CDH2: variants seen among roughly 807,000 people sequenced by gnomAD.
CDH2 encodes the protein cadherin-2.
CDH2 carries 17 observed loss-of-function variants against 92.0 expected under a neutral mutation model. That is an observed-to-expected ratio of 0.18 (90% CI 0.13 to 0.28). The LOEUF (loss-of-function observed/expected upper bound fraction) is 0.28. Among genes scored for constraint, CDH2 ranks in the 10% least tolerant of loss-of-function variants. The pLI, the probability that CDH2 is intolerant of heterozygous loss-of-function variation, is 1.00. For missense variants in CDH2, 862 were observed against 1,133.1 expected (o/e 0.76, Z 3.44); for synonymous variants, 419 against 415.9 (o/e 1.01, Z -0.09).
intron 2 of CDH2, among the ~76,000 whole-genome samples, chr18:28,062,565 T>C (rs1443783070): frequency 6.6e-6 from 1 of 152,206 alleles, no homozygotes; most frequent in Non-Finnish European, 1.5e-5. Context: ...ACTGAGTTCA[T>C]GATGCAAATA....
chr18:28,152,611 G>C (rs1206535940), intron 1 of CDH2, among the ~76,000 whole-genome samples: 1 of 152,200 alleles, frequency 6.6e-6, no homozygotes, highest in Non-Finnish European at 1.5e-5. Context: ...CGGAGTCCAA[G>C]AAGCAAGGCA....
At chr18:28,084,226 T>A (rs867950576) in intron 2 of CDH2, among the ~76,000 whole-genome samples, 3 of 152,160 alleles carry the variant, frequency 2.0e-5, no homozygotes, top group African/African-American at 7.2e-5. Context: ...GCCTGAGAAC[T>A]CGCAAGCAAT....
intron 14 of CDH2, among the ~76,000 whole-genome samples, chr18:27,973,656 A>G (rs1289742857): frequency 6.6e-6 from 1 of 152,192 alleles, no homozygotes; most frequent in African/African-American, 2.4e-5. Context: ...TCTAAATTCA[A>G]GTACCTAACC....
At chr18:27,992,409 A>C (rs2012444760) in intron 9 of CDH2, among the ~76,000 whole-genome samples, 3 of 152,000 alleles carry the variant, frequency 2.0e-5, no homozygotes, top group Non-Finnish European at 4.4e-5. Flanking sequence ...CTCTCACAAA[A>C]CTCTCATCAT....
At position 27,952,135 on chromosome 18, in the gene CDH2, C is replaced by T; in HGVS notation, c.*18G>A. On this transcript the variant is annotated 3_prime_UTR_variant, in exon 16 of 16. Transcript: ENST00000269141. Reference sequence around the variant, plus strand: ...GAAATTGTTTGTACTTGTCCAAAAACCAAGTTCACCCTGAAGTTCAGTCAT... The same window carrying T: ...GAAATTGTTTGTACTTGTCCAAAAATCAAGTTCACCCTGAAGTTCAGTCAT... 6.2e-7 allele frequency: 1 copy of T among 1,605,364 alleles called. No homozygotes were observed. Among genetic ancestry groups the T allele is most frequent in the Non-Finnish European group, 8.5e-7 (1 of 1,172,474 alleles).
chr18:28,171,685 G>A (rs931162317), intron 1 of CDH2, among the ~76,000 whole-genome samples: 1 of 152,062 alleles, frequency 6.6e-6, no homozygotes, highest in African/African-American at 2.4e-5. Context: ...GCTGAAAAAA[G>A]CCTTTCCACA....
At chr18:27,942,066 A>C (rs1368524367) in intron 6 of CDH2, among the ~76,000 whole-genome samples, 1 of 152,208 alleles carries the variant, frequency 6.6e-6, no homozygotes, top group African/African-American at 2.4e-5. Flanking sequence ...AAAAGTTCAA[A>C]ACCTGGAATG....
At chr18:28,098,355 CA>C (rs34688093) in intron 2 of CDH2, among the ~76,000 whole-genome samples, 122,766 of 151,990 alleles carry the variant, frequency 0.81, 49,796 homozygotes, top group Admixed American at 0.83. Context: ...ATAAAGTTGC[CA>C]AAAAACACTG....
chr18:28,117,160 T>C (rs1040592247), intron 2 of CDH2, among the ~76,000 whole-genome samples: 2 of 152,084 alleles, frequency 1.3e-5, no homozygotes, highest in Non-Finnish European at 2.9e-5. Flanking sequence ...GGGGATGCCA[T>C]GGCACACAAA....
At chr18:28,043,497 TATATATATATATATATATAA>T (rs2014003029) in intron 2 of CDH2, among the ~76,000 whole-genome samples, 2 of 79,374 alleles carry the variant, frequency 2.5e-5, no homozygotes, top group Non-Finnish European at 5.2e-5. Context: ...TATATATAAA[TATATATATATATATATATAA>T]ACAGGTTTGA....
In CDH2 at chr18:28,013,795, G is replaced by A. The variant is rs1361176600; in HGVS notation, c.287C>T (p.Ser96Phe). 3 of 1,614,006 alleles carry A rather than the reference G, an allele frequency of 1.9e-6. No individual in the cohort carries two copies. Among genetic ancestry groups the A allele is most frequent in the Non-Finnish European group, 2.5e-6 (3 of 1,179,924 alleles). ...MVYAVRSFPLSSEHAKFLIYA... is the reference protein window; with the variant it reads ...MVYAVRSFPLFSEHAKFLIYA... Reference sequence around the variant, plus strand: ...TATCAGGAACTTGGCATGCTCAGAAGAGAGTGGAAAGCTTCTCACGGCATA... The same window carrying A: ...TATCAGGAACTTGGCATGCTCAGAAAAGAGTGGAAAGCTTCTCACGGCATA... Residue 96 changes from serine (S) to phenylalanine (F), a missense_variant, in exon 3 of 16, where the codon TCT becomes TTT. This residue lies in a region of CDH2 where 159 missense variants were observed against 177.2 expected (regional missense o/e 0.90). Transcript: ENST00000269141.
chr18:28,012,369 C>G (rs889444930), intron 3 of CDH2, among the ~76,000 whole-genome samples: 1 of 152,248 alleles, frequency 6.6e-6, no homozygotes, highest in South Asian at 2.1e-4. Context: ...AAATTTAGAT[C>G]TTGATGTGCT....
At chr18:28,066,905 T>C (rs1254407583) in intron 2 of CDH2, among the ~76,000 whole-genome samples, 1 of 152,110 alleles carries the variant, frequency 6.6e-6, no homozygotes, top group Non-Finnish European at 1.5e-5. Flanking sequence ...TAAGTAAAAC[T>C]CAAAATAAAA....
At chr18:27,958,516 T>TAAATAC (rs2011311325) in intron 15 of CDH2, among the ~76,000 whole-genome samples, 2 of 150,138 alleles carry the variant, frequency 1.3e-5, no homozygotes, top group Admixed American at 6.7e-5. Flanking sequence ...TATGTATATA[T>TAAATAC]GTGTATATTT....
At chr18:28,169,906 T>C (rs1366026239) in intron 1 of CDH2, among the ~76,000 whole-genome samples, 1 of 152,248 alleles carries the variant, frequency 6.6e-6, no homozygotes, top group Non-Finnish European at 1.5e-5. Context: ...TAAATGTTCT[T>C]CTGTATCTCC....
rs199883123 is a variant in CDH2 at position 28,001,595 on chromosome 18, T to G, written c.1020+1402A>C. On this transcript the variant is annotated intron_variant, in intron 7 of 15. Transcript: ENST00000269141. ...ATGAAGAGGTGAAAATATACACATGTTACTGAACTAAAAGTACTACTTAAG... is the reference window on the plus strand; with the variant it reads ...ATGAAGAGGTGAAAATATACACATGGTACTGAACTAAAAGTACTACTTAAG... Among the ~76,000 whole-genome samples the G allele has an allele frequency of 2.4e-4, 36 of 152,210 alleles. 1 individual carries two copies. In the East Asian group the frequency reaches 6.0e-3, roughly 25 times the overall value.
intron 6 of CDH2, among the ~76,000 whole-genome samples, chr18:28,004,240 T>A (rs945063259): frequency 6.6e-6 from 1 of 152,348 alleles, no homozygotes; most frequent in Non-Finnish European, 1.5e-5. Context: ...GGAACTAGCT[T>A]GTCACCACTG....
chr18:27,997,158 C>T (rs919947866), intron 7 of CDH2, among the ~76,000 whole-genome samples: 8 of 152,176 alleles, frequency 5.3e-5, no homozygotes, highest in Non-Finnish European at 8.8e-5. Flanking sequence ...AGGCTGTGTC[C>T]GCTTGCTGTC....
chr18:28,064,646 C>T (rs963549198), intron 2 of CDH2, among the ~76,000 whole-genome samples: 86 of 150,486 alleles, frequency 5.7e-4, no homozygotes, highest in African/African-American at 1.9e-3. Flanking sequence ...TAAAGAAATG[C>T]GAACAAAAAA....
Sources: gnomAD v4.1 joint callset for allele counts (sites outside exome capture counted in the v4.1 genomes callset) on GRCh38, gnomAD v4.1.1 for gene constraint, gnomAD v4.1.1 regional missense constraint, MANE v1.5 for transcripts, NCBI Gene and HGNC (gene_info 2026-07-23, HGNC 2026-07-21) for gene names.